ACYP2: variants seen among roughly 807,000 people sequenced by gnomAD.
The protein encoded by ACYP2 is acylphosphatase 2, also known as acylphosphatase-2.
ACYP2 carries 12 observed loss-of-function variants against 11.2 expected under a neutral mutation model. That is an observed-to-expected ratio of 1.08 (90% confidence interval 0.69 to 1.74). ACYP2 has a LOEUF of 1.74. Among genes scored for constraint, ACYP2 ranks in the 40% most tolerant of loss-of-function variants. The probability of loss-of-function intolerance (pLI) is 0.00; values close to 1 mark genes in which losing one functional copy is unlikely to be tolerated. For missense variants in ACYP2, 134 were observed against 101.9 expected, an observed-to-expected ratio of 1.31 and a Z score of -1.35; for synonymous variants, 43 against 32.2, an observed-to-expected ratio of 1.33 and a Z score of -1.13.
At chr2:54,082,997 C>G (rs1207498065) in intron 4 of ACYP2, among the ~76,000 whole-genome samples, 1 of 151,606 alleles carries the variant, frequency 6.6e-6, no homozygotes, top group Non-Finnish European at 1.5e-5. Context: ...ATCACTTTAA[C>G]TGGGAGGCAG....
At chr2:54,051,209 A>G (rs1488186363) in intron 3 of ACYP2, 5 of 805,570 alleles carry the variant, frequency 6.2e-6, no homozygotes, top group South Asian at 1.4e-5. Context: ...ATAACTAAAA[A>G]TGGGCAAAGG....
intron 2 of ACYP2, among the ~76,000 whole-genome samples, chr2:53,982,737 T>C (rs1330473986): frequency 3.9e-5 from 6 of 152,184 alleles, no homozygotes; most frequent in Non-Finnish European, 8.8e-5. Flanking sequence ...ACTTCTGTTG[T>C]CCCAGTTTGG....
At chr2:54,112,389 A>G (rs971858477) in intron 4 of ACYP2, among the ~76,000 whole-genome samples, 15 of 152,340 alleles carry the variant, frequency 9.8e-5, no homozygotes, top group Admixed American at 8.5e-4. Flanking sequence ...CCAAATAATC[A>G]TATACAGTCT....
chr2:54,072,451 ATTCT>A (rs1026177621), intron 4 of ACYP2, among the ~76,000 whole-genome samples: 70 of 149,984 alleles, frequency 4.7e-4, no homozygotes, highest in East Asian at 1.2e-3. Context: ...ACCTTTTGAA[ATTCT>A]TTCTTTCTTT....
chr2:54,202,681 T>C (rs541609868), intron 6 of ACYP2, among the ~76,000 whole-genome samples: 54 of 142,516 alleles, frequency 3.8e-4, no homozygotes, highest in Non-Finnish European at 6.8e-4. Flanking sequence ...GTGCTGGGAT[T>C]ACAGGTGTGA....
At chr2:54,012,665 C>G (rs1673437342) in intron 2 of ACYP2, among the ~76,000 whole-genome samples, 1 of 152,160 alleles carries the variant, frequency 6.6e-6, no homozygotes, top group Admixed American at 6.5e-5. Flanking sequence ...CTCTGTTACT[C>G]GTCTGATCTA....
intron 4 of ACYP2, among the ~76,000 whole-genome samples, chr2:54,105,190 C>T (rs372407727): frequency 2.0e-5 from 3 of 152,164 alleles, no homozygotes; most frequent in African/African-American, 4.8e-5. Flanking sequence ...CCAGACTCCA[C>T]CGTGGCTTCC....
At chr2:54,152,174 A>C (rs1190991258) in intron 6 of ACYP2, among the ~76,000 whole-genome samples, 1 of 139,120 alleles carries the variant, frequency 7.2e-6, no homozygotes, top group Non-Finnish European at 1.5e-5. Context: ...CTGCTGTGTA[A>C]TGGCATGGTC....
chr2:54,070,400 T>A (rs1236814942), intron 4 of ACYP2, among the ~76,000 whole-genome samples: 1 of 152,212 alleles, frequency 6.6e-6, no homozygotes, highest in Non-Finnish European at 1.5e-5. Flanking sequence ...ATCATTCCAG[T>A]GATTTACATT....
intron 6 of ACYP2, among the ~76,000 whole-genome samples, chr2:54,160,774 C>T (rs751456496): frequency 4.6e-5 from 7 of 152,046 alleles, no homozygotes; most frequent in African/African-American, 1.4e-4. Context: ...AATGGGGAGT[C>T]GTTGAAAAGT....
At chr2:54,058,344 C>T (rs1005234879) in intron 4 of ACYP2, among the ~76,000 whole-genome samples, 33 of 150,982 alleles carry the variant, frequency 2.2e-4, no homozygotes, top group Non-Finnish European at 4.6e-4. Flanking sequence ...TCCCTCCCCT[C>T]AGCTGTGCTT....
intron 6 of ACYP2, among the ~76,000 whole-genome samples, chr2:54,197,246 C>T (rs1051168830): frequency 2.0e-5 from 3 of 152,084 alleles, no homozygotes; most frequent in Non-Finnish European, 4.4e-5. Flanking sequence ...AGAGCTACCT[C>T]AGGGGTCACC....
At chr2:54,105,634 C>A (rs1679116224) in intron 4 of ACYP2, among the ~76,000 whole-genome samples, 1 of 151,946 alleles carries the variant, frequency 6.6e-6, no homozygotes. Context: ...GTAGCTGGAA[C>A]TACAGCCAAA....
rs756137129 is a variant in ACYP2 at position 54,304,685 on chromosome 2, T to C, written c.405-3T>C. ...TTTTATTTATTTATCTGTTTTTTTA[T>C]AGGAAGTCCTGGCTGAGCAAGGTTG... On this transcript the variant is annotated splice_region_variant and splice_polypyrimidine_tract_variant and intron_variant, in intron 6 of 6. Coordinates refer to ENST00000607452, the MANE Select transcript of ACYP2 (RefSeq NM_001320586.2). 6 of 1,601,336 alleles carry C rather than the reference T, an allele frequency of 3.7e-6. No individual in the cohort carries two copies. In the South Asian group the frequency reaches 6.7e-5, roughly 18 times the overall value.
chr2:54,257,144 C>T (rs1358367), intron 6 of ACYP2, among the ~76,000 whole-genome samples: 100,911 of 151,918 alleles, frequency 0.66, 34,466 homozygotes, highest in East Asian at 0.96. Flanking sequence ...GAGGCGGAGA[C>T]GGGAGGATCA....
intron 4 of ACYP2, among the ~76,000 whole-genome samples, chr2:54,075,009 T>C (rs149930907): frequency 1.3e-5 from 2 of 152,342 alleles, no homozygotes; most frequent in East Asian, 3.9e-4. Flanking sequence ...CACACAAAAT[T>C]AATCATTATA....
intron 3 of ACYP2, chr2:54,051,556 T>G: frequency 1.3e-6 from 1 of 742,534 alleles, no homozygotes; most frequent in Non-Finnish European, 2.5e-6. Flanking sequence ...GAGATCATCT[T>G]GGCCTGTCCA....
chr2:54,191,095 C>G (rs1684219188), intron 6 of ACYP2, among the ~76,000 whole-genome samples: 1 of 152,136 alleles, frequency 6.6e-6, no homozygotes, highest in Non-Finnish European at 1.5e-5. Context: ...CATCATCACT[C>G]TCTTCTGAGA....
At chr2:54,037,080 A>T (rs755348086) in intron 2 of ACYP2, among the ~76,000 whole-genome samples, 4 of 152,188 alleles carry the variant, frequency 2.6e-5, no homozygotes, top group Non-Finnish European at 5.9e-5. Context: ...TGTAGAGAAA[A>T]ACTCCTTTAG....
Sources: allele counts gnomAD v4.1 joint callset (sites outside exome capture counted in the v4.1 genomes callset), GRCh38; gene constraint gnomAD v4.1.1; transcripts MANE v1.5; gene names NCBI Gene and HGNC (gene_info 2026-07-23, HGNC 2026-07-21).